ADARB2: variants seen among roughly 807,000 people sequenced by gnomAD.
The protein encoded by ADARB2 is inactive double-stranded RNA-specific editase B2.
ADARB2 carries 25 observed loss-of-function variants against 62.2 expected under a neutral mutation model. The ratio of observed to expected loss-of-function variants is 0.40; its 90% CI spans 0.29 to 0.56. The LOEUF (loss-of-function observed/expected upper bound fraction) is 0.56. Among genes scored for constraint, ADARB2 ranks in the 20% least tolerant of loss-of-function variants. The pLI is 0.43. For missense variants in ADARB2, 1,071 were observed against 1,077.4 expected, an observed-to-expected ratio of 0.99 and a Z score of 0.08; for synonymous variants, 572 against 500.8, an observed-to-expected ratio of 1.14 and a Z score of -1.90.
chr10:1,217,271 A>C (rs558376980), intron 6 of ADARB2, 152 bp from the exon 7 acceptor site: 281 of 838,906 alleles, frequency 3.3e-4, no homozygotes, highest in Non-Finnish European at 4.7e-4. Flanking sequence ...AATAAGCGCC[A>C]TGTGGGGTTG....
At chr10:1,686,139 A>G (rs1834593976) in intron 1 of ADARB2, among the ~76,000 whole-genome samples, 1 of 152,362 alleles carries the variant, frequency 6.6e-6, no homozygotes, top group Non-Finnish European at 1.5e-5. Context: ...AAAAGTCTCT[A>G]CAAAAACAAA....
intron 1 of ADARB2, among the ~76,000 whole-genome samples, chr10:1,589,713 G>A (rs1014690037): frequency 2.6e-4 from 40 of 152,076 alleles, no homozygotes; most frequent in African/African-American, 8.7e-4. Context: ...TCGCTCTGTC[G>A]CCCAGTCTGG....
intron 5 of ADARB2, chr10:1,240,421 C>T (rs1449579096): frequency 1.3e-5 from 2 of 152,564 alleles, no homozygotes; most frequent in Admixed American, 6.5e-5. Flanking sequence ...ACGTTCTGCC[C>T]CATGGGTGAT....
chr10:1,355,438 C>A (rs1174266844), intron 3 of ADARB2, among the ~76,000 whole-genome samples: 1 of 152,186 alleles, frequency 6.6e-6, no homozygotes, highest in South Asian at 2.1e-4. Context: ...GGAAACTCAA[C>A]GTCCTTCTCT....
rs563540563 is a variant in ADARB2 at position 1,674,777 on chromosome 10, A to G, written c.100+62274T>C. ...GGGAAGTCCAAAACCTAAAATAAAA[A>G]AACTGGGGAAAGTTTAAGTCATTCA... is the stretch of plus-strand genomic sequence containing the variant. On this transcript the variant is annotated intron_variant, in intron 1 of 9. Transcript: ENST00000381312. Among the ~76,000 whole-genome samples, 11 of 152,328 alleles carry G rather than the reference A, an allele frequency of 7.2e-5. No individual in the cohort carries two copies. In the East Asian group the frequency reaches 1.7e-3, roughly 24 times the overall value.
chr10:1,696,237 TTGTG>T (rs1478536542), intron 1 of ADARB2, among the ~76,000 whole-genome samples: 3 of 152,056 alleles, frequency 2.0e-5, no homozygotes, highest in Non-Finnish European at 2.9e-5. Context: ...ATATGCATGT[TTGTG>T]TGTGCACATG....
chr10:1,457,879 C>T (rs1257608579), intron 1 of ADARB2, among the ~76,000 whole-genome samples: 1 of 152,230 alleles, frequency 6.6e-6, no homozygotes, highest in East Asian at 1.9e-4. Flanking sequence ...CATCCCTCCA[C>T]CCAACCCGAG....
At chr10:1,694,157 C>A (rs1036236159) in intron 1 of ADARB2, among the ~76,000 whole-genome samples, 1 of 152,142 alleles carries the variant, frequency 6.6e-6, no homozygotes. Flanking sequence ...TTATTTTGTT[C>A]AGATTTAATT....
At chr10:1,271,811 C>T (rs1831266068) in intron 3 of ADARB2, among the ~76,000 whole-genome samples, 1 of 152,334 alleles carries the variant, frequency 6.6e-6, no homozygotes, top group Non-Finnish European at 1.5e-5. Context: ...CTTTCCTTGA[C>T]ATGGGGCCCC....
At chr10:1,572,190 AGT>A (rs1564334427) in intron 1 of ADARB2, among the ~76,000 whole-genome samples, 1 of 146,134 alleles carries the variant, frequency 6.8e-6, no homozygotes, top group Non-Finnish European at 1.5e-5. Flanking sequence ...TAGGCAGGTG[AGT>A]GTGCTGGTGA....
At chr10:1,450,214 G>T (rs1247577124) in intron 1 of ADARB2, among the ~76,000 whole-genome samples, 1 of 152,222 alleles carries the variant, frequency 6.6e-6, no homozygotes, top group Non-Finnish European at 1.5e-5. Flanking sequence ...TTACAAGCCT[G>T]CTTCTTTTCC....
chr10:1,592,776 C>G (rs112202581), intron 1 of ADARB2, among the ~76,000 whole-genome samples: 1 of 59,450 alleles, frequency 1.7e-5, no homozygotes, highest in African/African-American at 9.9e-5. Flanking sequence ...CCCAAGCCAC[C>G]CTCCATAGGT....
intron 3 of ADARB2, among the ~76,000 whole-genome samples, chr10:1,320,534 A>AACCATTGG (rs1458221317): frequency 6.6e-6 from 1 of 152,172 alleles, no homozygotes; most frequent in African/African-American, 2.4e-5. Context: ...GGCTAAGAAA[A>AACCATTGG]ACCATTGGAC....
At chr10:1,247,779 G>A (rs1224979799) in intron 4 of ADARB2, among the ~76,000 whole-genome samples, 1 of 152,224 alleles carries the variant, frequency 6.6e-6, no homozygotes, top group Admixed American at 6.5e-5. Flanking sequence ...CGGGACCACA[G>A]GCAGGTCTAG....
chr10:1,555,105 A>G (rs1215836867), intron 1 of ADARB2, among the ~76,000 whole-genome samples: 1 of 152,046 alleles, frequency 6.6e-6, no homozygotes, highest in Non-Finnish European at 1.5e-5. Context: ...AATGTGCCAC[A>G]TTTTCTTTAT....
intron 4 of ADARB2, among the ~76,000 whole-genome samples, chr10:1,268,667 TTGTA>T (rs975803920): frequency 1.3e-5 from 2 of 151,892 alleles, no homozygotes; most frequent in Non-Finnish European, 2.9e-5. Context: ...CTAAAAATGT[TTGTA>T]TTAGTAATTT....
At chr10:1,561,821 C>G (rs1464052734) in intron 1 of ADARB2, among the ~76,000 whole-genome samples, 2 of 152,362 alleles carry the variant, frequency 1.3e-5, no homozygotes, top group African/African-American at 4.8e-5. Context: ...GCCGCTTTCC[C>G]CAGCACCGCC....
chr10:1,356,650 C>A (rs1233845018), intron 3 of ADARB2, among the ~76,000 whole-genome samples: 1 of 152,192 alleles, frequency 6.6e-6, no homozygotes, highest in Non-Finnish European at 1.5e-5. Context: ...GGAAAAGCTG[C>A]ATGTAGGAGT....
In ADARB2 at chr10:1,253,146, G is replaced by A. The variant is rs554231269; in HGVS notation, c.1193-10847C>T. 3.3e-4 allele frequency among the ~76,000 whole-genome samples: 50 copies of A among 152,272 alleles called. 1 individual carries two copies. The South Asian group carries it at 5.4e-3, about 16-fold the overall frequency. ...TTTTAAAGATTAAAGAAAATAATGC[G>A]AAGTTCTTAACATGTGCCTGATACA... On this transcript the variant is annotated intron_variant, in intron 4 of 9. Coordinates refer to ENST00000381312, the MANE Select transcript of ADARB2 (RefSeq NM_018702.4).
Sources: gnomAD v4.1 joint callset for allele counts (sites outside exome capture counted in the v4.1 genomes callset) on GRCh38, gnomAD v4.1.1 for gene constraint, MANE v1.5 for transcripts, NCBI Gene and HGNC (gene_info 2026-07-23, HGNC 2026-07-21) for gene names.